ZNF605: variants seen among roughly 807,000 people sequenced by gnomAD.
ZNF605 encodes the protein zinc finger protein 605.
In ZNF605, 9 loss-of-function variants were observed where a neutral mutation model predicts 7.9. The observed-to-expected ratio is 1.14, with a 90% CI of 0.68 to 1.98. ZNF605 has a LOEUF of 1.98. Ranked by LOEUF, ZNF605 falls within the 30% of genes most tolerant of loss-of-function variation. The pLI is 0.00. For synonymous variants in ZNF605, 255 were observed against 260.1 expected (o/e 0.98, Z 0.19); for missense variants, 673 against 762.4 (o/e 0.88, Z 1.38).
At chr12:132,939,164 G>A (rs1365512968) in intron 3 of ZNF605, among the ~76,000 whole-genome samples, 1 of 152,250 alleles carries the variant, frequency 6.6e-6, no homozygotes, top group East Asian at 1.9e-4. Flanking sequence ...CTGGCAGGCA[G>A]CTCCACCTGC....
intron 4 of ZNF605, among the ~76,000 whole-genome samples, chr12:132,929,901 T>C (rs1952289836): frequency 6.6e-6 from 1 of 152,190 alleles, no homozygotes; most frequent in African/African-American, 2.4e-5. Flanking sequence ...GCTGAGATCG[T>C]GCCACTGCAC....
At chr12:132,927,221 C>A in intron 4 of ZNF605, 59 bp from the exon 5 acceptor site, 1 of 1,271,080 alleles carries the variant, frequency 7.9e-7, no homozygotes, top group Non-Finnish European at 1.0e-6. Context: ...ATGCTTATTG[C>A]ATAAAGCTTC....
In ZNF605 at chr12:132,923,225, G is replaced by T. The variant is rs372582875; in HGVS notation, c.*2148C>A. 1 of 152,062 alleles carries T rather than the reference G, an allele frequency of 6.6e-6. No individual in the cohort carries two copies. Among genetic ancestry groups the T allele is most frequent in the African/African-American group, 2.4e-5 (1 of 41,392 alleles). 9.4% of individuals were successfully genotyped at this position (152,062 alleles called of 1,614,324 possible). On this transcript the variant is annotated 3_prime_UTR_variant, in exon 5 of 5. Coordinates refer to ENST00000360187, the MANE Select transcript of ZNF605 (RefSeq NM_183238.4). ...TAAGCAGCCAATTCCCTTTTAAAAA[G>T]ATTTTAAAAAGAGAGAAATATCTTT...
chr12:132,938,555 C>A (rs939917725), intron 3 of ZNF605, among the ~76,000 whole-genome samples: 3 of 152,228 alleles, frequency 2.0e-5, no homozygotes, highest in Admixed American at 2.0e-4. Context: ...CCCGCCTCAG[C>A]CTCCCGAAGT....
chr12:132,926,882 C>T lies in ZNF605; in HGVS notation c.417G>A (p.Gly139=). The T allele has an allele frequency of 1.2e-6, 2 of 1,614,154 alleles. No individual in the cohort carries two copies. The highest frequency in any genetic ancestry group is 1.1e-5 in the South Asian group (1 of 91,084). ...ATGTACTGCAATCACAGTATTTTATCCCACCATGGGTTCTGCCAGGTTTGA... is the reference window on the plus strand; with the variant it reads ...ATGTACTGCAATCACAGTATTTTATTCCACCATGGGTTCTGCCAGGTTTGA... ...FCIKPGRTHG[G]IKYCDCSTCR... Residue 139 remains glycine (G), a synonymous_variant, in exon 5 of 5, where the codon GGG becomes GGA. Coordinates refer to ENST00000360187, the MANE Select transcript of ZNF605 (RefSeq NM_183238.4).
intron 1 of ZNF605, among the ~76,000 whole-genome samples, chr12:132,952,452 A>G (rs1952583270): frequency 1.1e-5 from 1 of 87,170 alleles, no homozygotes; most frequent in African/African-American, 4.7e-5. Flanking sequence ...CTCTGTCTCA[A>G]AAAAAAAAAA....
chr12:132,956,081 C>T (rs1417285560), intron 1 of ZNF605, among the ~76,000 whole-genome samples, 162 bp downstream of exon 1: 1 of 150,156 alleles, frequency 6.7e-6, no homozygotes, highest in Non-Finnish European at 1.5e-5. Flanking sequence ...GCGCCCAGGC[C>T]GGTCCGCAGG....
rs1490384463 is a variant in ZNF605, at chr12:132,919,755, C to A, written c.*5618G>T. On this transcript the variant is annotated 3_prime_UTR_variant, in exon 5 of 5. Transcript: ENST00000360187. The stretch of plus-strand genomic sequence containing the variant: ...TCCCTTCACTTACATTTCTTTTCAT[C>A]TTAACAGTGAATGCCTCGATAGCTA... 1.3e-5 allele frequency: 2 copies of A among 152,154 alleles called. No homozygotes were observed. Among genetic ancestry groups the A allele is most frequent in the African/African-American group, 4.8e-5 (2 of 41,438 alleles). The allele number at this position is 152,154 out of a possible 1,614,324, so 9.4% of individuals were successfully genotyped here.
chr12:132,934,696 T>C (rs1952344548), intron 3 of ZNF605, among the ~76,000 whole-genome samples: 1 of 114,842 alleles, frequency 8.7e-6, no homozygotes, highest in African/African-American at 3.3e-5. Context: ...CAGAGCAAGA[T>C]TCCGTCTAAA....
chr12:132,950,150 C>G (rs1428472597), intron 1 of ZNF605, among the ~76,000 whole-genome samples: 1 of 152,022 alleles, frequency 6.6e-6, no homozygotes, highest in African/African-American at 2.4e-5. Context: ...AGATCAAGGT[C>G]CCCCTGCCCT....
chr12:132,945,320 C>T (rs1952484814), intron 3 of ZNF605: 2 of 1,037,558 alleles, frequency 1.9e-6, no homozygotes, highest in South Asian at 2.6e-5. Context: ...TCTTCTTTCC[C>T]AAGTTTATAT....
intron 3 of ZNF605, among the ~76,000 whole-genome samples, chr12:132,939,049 C>T (rs1414737756): frequency 6.6e-6 from 1 of 151,474 alleles, no homozygotes; most frequent in African/African-American, 2.4e-5. Flanking sequence ...ACTCCATGGG[C>T]TCCCATGCGG....
At chr12:132,927,220 G>C in intron 4 of ZNF605, 58 bp from the exon 5 acceptor site, 4 of 1,274,478 alleles carry the variant, frequency 3.1e-6, no homozygotes, top group Non-Finnish European at 4.2e-6. Context: ...TATGCTTATT[G>C]CATAAAGCTT....
chr12:132,954,377 G>GT (rs1952609825), intron 1 of ZNF605, among the ~76,000 whole-genome samples: 1 of 96,684 alleles, frequency 1.0e-5, no homozygotes, highest in African/African-American at 4.2e-5. Flanking sequence ...GGGGAGAAGG[G>GT]GCTTCAGTCA....
At chr12:132,956,055 C>A (rs1282424182) in intron 1 of ZNF605, among the ~76,000 whole-genome samples, 188 bp downstream of exon 1, 5 of 144,290 alleles carry the variant, frequency 3.5e-5, no homozygotes, top group African/African-American at 1.3e-4. Flanking sequence ...CCGCCTGAGG[C>A]CCGCCTTCCG....
chr12:132,951,250 T>A (rs1275023109), intron 1 of ZNF605, among the ~76,000 whole-genome samples: 3 of 146,516 alleles, frequency 2.0e-5, no homozygotes, highest in Admixed American at 6.8e-5. Context: ...GACACGTACA[T>A]ACAGACGCAC....
chr12:132,956,007 C>T (rs1952632921), intron 1 of ZNF605, among the ~76,000 whole-genome samples: 1 of 150,598 alleles, frequency 6.6e-6, no homozygotes, highest in Non-Finnish European at 1.5e-5. Flanking sequence ...GCCCCCACCC[C>T]ACCCTCTGCC....
intron 3 of ZNF605, chr12:132,945,291 C>T (rs1952484668): frequency 3.5e-6 from 3 of 863,886 alleles, no homozygotes; most frequent in South Asian, 2.9e-5. Context: ...CTATAATCTA[C>T]TTTGTGCTTC....
At chr12:132,951,886 C>G (rs1429418190) in intron 1 of ZNF605, among the ~76,000 whole-genome samples, 1 of 150,384 alleles carries the variant, frequency 6.6e-6, no homozygotes, top group Non-Finnish European at 1.5e-5. Context: ...CACATACACA[C>G]TCATACACAC....
Sources: allele counts gnomAD v4.1 joint callset (sites outside exome capture counted in the v4.1 genomes callset), GRCh38; gene constraint gnomAD v4.1.1; transcripts MANE v1.5; gene names NCBI Gene and HGNC (gene_info 2026-07-23, HGNC 2026-07-21).